ARHGAP10: variants seen among roughly 807,000 people sequenced by gnomAD.
ARHGAP10 encodes rho GTPase-activating protein 10.
Under a neutral mutation model 108.6 loss-of-function variants are expected in ARHGAP10, and 87 were observed. That is an observed-to-expected ratio of 0.80 (90% CI 0.67 to 0.96). The LOEUF (loss-of-function observed/expected upper bound fraction) is 0.96. Among genes scored for constraint, ARHGAP10 ranks in the 40% least tolerant of loss-of-function variants. The pLI is 0.00. For synonymous variants in ARHGAP10, 347 were observed against 341.1 expected (o/e 1.02, Z -0.19); for missense variants, 939 against 954.5 (o/e 0.98, Z 0.21).
Position 147,732,175 on chromosome 4 carries a change from C to T in ARHGAP10, c.-127C>T. ...CGGGACATGTCCGTGCCGCGCTCGC[C>T]GCGCGCCCGGGCCTGCTAGCTCCTC... On this transcript the variant is annotated 5_prime_UTR_variant, in exon 1 of 23. Coordinates refer to ENST00000336498, the MANE Select transcript of ARHGAP10 (RefSeq NM_024605.4). 1 of 951,760 alleles carries T rather than the reference C, an allele frequency of 1.1e-6. No homozygotes were observed. The highest frequency in any genetic ancestry group is 2.9e-5 in the South Asian group (1 of 34,974). 59.0% of individuals were successfully genotyped at this position (951,760 alleles called of 1,614,324 possible).
In ARHGAP10 at chr4:147,998,171, C is replaced by A. The variant is rs1740554507; in HGVS notation, c.1717-25092C>A. Among the ~76,000 whole-genome samples, 3 of 151,938 alleles carry A rather than the reference C, an allele frequency of 2.0e-5. No individual in the cohort carries two copies. The South Asian group carries it at 6.2e-4, about 32-fold the overall frequency. The stretch of plus-strand genomic sequence containing the variant: ...GAGAAAAAAAGTAGCGTTTATGAAT[C>A]CTAAATTTCAGGGGGGATTGGGAAG... On this transcript the variant is annotated intron_variant, in intron 18 of 22. Coordinates refer to ENST00000336498, the MANE Select transcript of ARHGAP10 (RefSeq NM_024605.4).
In ARHGAP10 at chr4:148,018,341, C is replaced by T. The variant is rs144184860; in HGVS notation, c.1717-4922C>T. On this transcript the variant is annotated intron_variant, in intron 18 of 22. Coordinates refer to ENST00000336498, the MANE Select transcript of ARHGAP10 (RefSeq NM_024605.4). ...AGGAATTTGCATCCAGGCAGTAGTTCCAGAATTGGCAAATCAGTATTATGT... is the reference window on the plus strand; with the variant it reads ...AGGAATTTGCATCCAGGCAGTAGTTTCAGAATTGGCAAATCAGTATTATGT... 8.6e-3 allele frequency among the ~76,000 whole-genome samples: 1,305 copies of T among 152,098 alleles called. 7 individuals carry two copies. The highest frequency in any genetic ancestry group is 0.018 in the Admixed American group (273 of 15,272).
At chr4:147,849,715 T>C (rs1733781415) in intron 4 of ARHGAP10, among the ~76,000 whole-genome samples, 4 of 152,202 alleles carry the variant, frequency 2.6e-5, no homozygotes, top group African/African-American at 9.6e-5. Context: ...TTAACTGTGG[T>C]TTAAATCTAT....
intron 13 of ARHGAP10, among the ~76,000 whole-genome samples, chr4:147,913,748 A>G (rs867891183): frequency 6.6e-6 from 1 of 152,190 alleles, no homozygotes; most frequent in Non-Finnish European, 1.5e-5. Flanking sequence ...AGTTCAGCCC[A>G]TAAGAATCCT....
At chr4:147,979,227 G>A (rs1270588821) in intron 18 of ARHGAP10, among the ~76,000 whole-genome samples, 1 of 152,130 alleles carries the variant, frequency 6.6e-6, no homozygotes, top group Non-Finnish European at 1.5e-5. Context: ...TTAATTTATT[G>A]TATATGATGA....
chr4:147,946,191 A>G (rs752689396), intron 14 of ARHGAP10: 8 of 155,788 alleles, frequency 5.1e-5, no homozygotes, highest in Non-Finnish European at 8.5e-5. Flanking sequence ...TCCTGCCTCT[A>G]TCAATACACA....
At chr4:147,753,447 G>A (rs1429541381) in intron 1 of ARHGAP10, among the ~76,000 whole-genome samples, 1 of 151,182 alleles carries the variant, frequency 6.6e-6, no homozygotes, top group South Asian at 2.1e-4. Context: ...GGGTTCAAGC[G>A]ATTCTCCTGC....
intron 6 of ARHGAP10, 161 bp from the exon 7 acceptor site, chr4:147,866,551 A>C (rs762380852): frequency 3.5e-6 from 2 of 566,726 alleles, no homozygotes; most frequent in Non-Finnish European, 6.3e-6. Context: ...TTAATAGATA[A>C]TATGTACTTG....
At position 147,822,729 on chromosome 4, in the gene ARHGAP10, C is replaced by G; in HGVS notation, c.157C>G (p.Leu53Val). 6.2e-7 allele frequency: 1 copy of G among 1,613,986 alleles called. No individual in the cohort carries two copies. Among genetic ancestry groups the G allele is most frequent in the Non-Finnish European group, 8.5e-7 (1 of 1,179,858 alleles). The change falls in exon 2 of 23, where the codon CTG (leucine) becomes GTG (valine). Residue 53 changes from leucine to valine, a missense_variant and splice_region_variant. Transcript: ENST00000336498. ...GKNLIAATKS[L>V]SVAQRKFAHS... Reference sequence around the variant, plus strand: ...CATCATTATACTTTTCTTTCTAGGTCTGTCAGTGGCCCAGCGGAAGTTTGC... The same window carrying G: ...CATCATTATACTTTTCTTTCTAGGTGTGTCAGTGGCCCAGCGGAAGTTTGC...
chr4:148,067,008 T>C (rs2076947), intron 22 of ARHGAP10, among the ~76,000 whole-genome samples: 116,369 of 152,078 alleles, frequency 0.77, 44,716 homozygotes, highest in East Asian at 0.85. Context: ...CTTTGCTGGC[T>C]GGGGCACCCC....
At chr4:147,943,834 T>C (rs1317640269) in intron 14 of ARHGAP10, among the ~76,000 whole-genome samples, 10 of 152,216 alleles carry the variant, frequency 6.6e-5, no homozygotes. Flanking sequence ...TAGGGATGAT[T>C]GAGCTATTTG....
chr4:147,932,434 A>G (rs902448008), intron 13 of ARHGAP10, among the ~76,000 whole-genome samples: 1 of 152,244 alleles, frequency 6.6e-6, no homozygotes, highest in Non-Finnish European at 1.5e-5. Flanking sequence ...GATAAAGAAA[A>G]TGCCGTACAT....
At chr4:147,786,295 T>TA (rs1214255376) in intron 1 of ARHGAP10, among the ~76,000 whole-genome samples, 1 of 152,204 alleles carries the variant, frequency 6.6e-6, no homozygotes, top group African/African-American at 2.4e-5. Context: ...ATTGTGTCTC[T>TA]AAATGTGTTT....
intron 3 of ARHGAP10, among the ~76,000 whole-genome samples, chr4:147,837,101 G>A (rs754412106): frequency 2.7e-4 from 41 of 152,200 alleles, no homozygotes; most frequent in Non-Finnish European, 5.1e-4. Flanking sequence ...GTATTAAAGT[G>A]GGGGAACTTT....
Position 147,732,381 on chromosome 4 carries a change from C to A in ARHGAP10, c.80C>A (p.Ala27Glu). Residue 27 changes from alanine to glutamate, a missense_variant, in exon 1 of 23, where the codon GCG becomes GAG. By Grantham distance (107) the Ala-to-Glu change is moderately radical. Transcript: ENST00000336498. ...WFRERIRAHE[A>E]ELERTNKFIK... The stretch of plus-strand genomic sequence containing the variant: ...CGGGAGAGGATCCGCGCTCACGAAG[C>A]GGAACTCGAGAGGACCAACAAGTTC... The A allele has an allele frequency of 6.2e-7, 1 of 1,613,448 alleles. No homozygotes were observed. The highest frequency in any genetic ancestry group is 8.5e-7 in the Non-Finnish European group (1 of 1,179,650).
chr4:147,736,959 G>T (rs1183185147), intron 1 of ARHGAP10, among the ~76,000 whole-genome samples: 1 of 152,080 alleles, frequency 6.6e-6, no homozygotes, highest in Non-Finnish European at 1.5e-5. Context: ...TGATGCCTGG[G>T]ACTGCTACCC....
chr4:147,969,925 T>A (rs1739343757), intron 18 of ARHGAP10, among the ~76,000 whole-genome samples: 1 of 152,102 alleles, frequency 6.6e-6, no homozygotes, highest in Non-Finnish European at 1.5e-5. Flanking sequence ...GCAATGGACA[T>A]CGAGTTTCAG....
chr4:147,778,350 T>C (rs1197339955), intron 1 of ARHGAP10, among the ~76,000 whole-genome samples: 1 of 152,126 alleles, frequency 6.6e-6, no homozygotes, highest in Non-Finnish European at 1.5e-5. Flanking sequence ...ATGCATTGTG[T>C]TTACAGTGTG....
At chr4:147,813,794 T>C (rs1732125373) in intron 1 of ARHGAP10, among the ~76,000 whole-genome samples, 1 of 152,204 alleles carries the variant, frequency 6.6e-6, no homozygotes, top group African/African-American at 2.4e-5. Flanking sequence ...TATTTAAGGC[T>C]TTGCATTCAA....
Sources: gnomAD v4.1 joint callset for allele counts (sites outside exome capture counted in the v4.1 genomes callset) on GRCh38, gnomAD v4.1.1 for gene constraint, MANE v1.5 for transcripts, NCBI Gene and HGNC (gene_info 2026-07-23, HGNC 2026-07-21) for gene names.